Variants in PTPRQ observed in about 807,000 individuals in gnomAD.
PTPRQ encodes the protein phosphatidylinositol phosphatase PTPRQ.
A neutral mutation model predicts 246.0 loss-of-function variants in PTPRQ; 199 were observed. That is an observed-to-expected ratio of 0.81 (90% CI 0.72 to 0.91). The LOEUF is 0.91. Among genes scored for constraint, PTPRQ ranks in the 40% least tolerant of loss-of-function variants. The probability of loss-of-function intolerance (pLI) is 0.00; values close to 1 mark genes in which losing one functional copy is unlikely to be tolerated. For synonymous variants in PTPRQ, 869 were observed against 853.2 expected (o/e 1.02, Z -0.32); for missense variants, 2,624 against 2,528.4 (o/e 1.04, Z -0.81).
intron 25 of PTPRQ, among the ~76,000 whole-genome samples, chr12:80,556,727 C>G (rs1241070559): frequency 6.6e-6 from 1 of 152,018 alleles, no homozygotes. Context: ...GTAAGCTGCC[C>G]TCCGACACCC....
At chr12:80,477,959 G>T (rs1020416323) in intron 8 of PTPRQ, among the ~76,000 whole-genome samples, 3 of 152,200 alleles carry the variant, frequency 2.0e-5, no homozygotes, top group Non-Finnish European at 2.9e-5. Context: ...GGTGAGGGGC[G>T]CCCGCCATTG....
Position 80,459,295 on chromosome 12 carries a change from G to C in PTPRQ, c.472G>C (p.Val158Leu). The C allele has an allele frequency of 2.5e-6, 1 of 398,372 alleles. No individual in the cohort carries two copies. Among genetic ancestry groups the C allele is most frequent in the Non-Finnish European group, 4.4e-6 (1 of 225,906 alleles). 24.7% of individuals were successfully genotyped at this position (398,372 alleles called of 1,614,324 possible). A position where few individuals can be genotyped will look rare whatever the true frequency, so the allele number is the denominator to read the frequency against. ...TTTCTCTTCCCCAGCTCCAGGAAAA[G>C]TGGTGAATCTCACAGTTGAGGCCTA... is the stretch of plus-strand genomic sequence containing the variant. ...FQTAESAPGKVVNLTVEAYNA... is the reference protein window; with the variant it reads ...FQTAESAPGKLVNLTVEAYNA... The change falls in exon 5 of 45, where the codon GTG becomes CTG. Residue 158 changes from valine to leucine, a missense_variant. Coordinates refer to ENST00000644991, the MANE Select transcript of PTPRQ (RefSeq NM_001145026.2).
At chr12:80,659,063 A>C (rs747870636) in intron 39 of PTPRQ, among the ~76,000 whole-genome samples, 14 of 152,056 alleles carry the variant, frequency 9.2e-5, no homozygotes, top group Non-Finnish European at 2.1e-4. Context: ...CCTGTTGTCA[A>C]AGGAGTGAAT....
intron 26 of PTPRQ, among the ~76,000 whole-genome samples, chr12:80,597,560 A>T (rs1487316860): frequency 6.6e-6 from 1 of 152,000 alleles, no homozygotes; most frequent in Admixed American, 6.6e-5. Context: ...CTTCCTTTAC[A>T]TCTACTTCCC....
chr12:80,444,949 C>T, intron 2 of PTPRQ, 100 bp downstream of exon 2: 1 of 1,322,904 alleles, frequency 7.6e-7, no homozygotes, highest in Non-Finnish European at 9.9e-7. Context: ...ACATTAAATT[C>T]ATGAAAACAG....
chr12:80,636,010 G>A (rs998688268), intron 35 of PTPRQ, among the ~76,000 whole-genome samples: 1 of 152,178 alleles, frequency 6.6e-6, no homozygotes, highest in Non-Finnish European at 1.5e-5. Context: ...GACTTTGCAA[G>A]TATATTTCCA....
chr12:80,614,153 A>T (rs1898661511), intron 29 of PTPRQ, among the ~76,000 whole-genome samples: 1 of 150,828 alleles, frequency 6.6e-6, no homozygotes, highest in Admixed American at 6.6e-5. Flanking sequence ...CTGCCTAAAA[A>T]AAAGCTATAT....
At chr12:80,484,156 C>T (rs916441685) in intron 8 of PTPRQ, among the ~76,000 whole-genome samples, 1 of 151,962 alleles carries the variant, frequency 6.6e-6, no homozygotes, top group East Asian at 1.9e-4. Context: ...CAGGCACGCA[C>T]CACCATGCCT....
intron 43 of PTPRQ, among the ~76,000 whole-genome samples, chr12:80,676,478 A>G (rs771289003): frequency 9.2e-5 from 14 of 152,142 alleles, no homozygotes; most frequent in Non-Finnish European, 2.1e-4. Context: ...CCCCGTCTAT[A>G]CTAAAAATAC....
chr12:80,572,410 T>A (rs1295348691), intron 25 of PTPRQ, among the ~76,000 whole-genome samples: 1 of 152,068 alleles, frequency 6.6e-6, no homozygotes, highest in African/African-American at 2.4e-5. Context: ...GTTAAAAAAA[T>A]TTAAATAATA....
At chr12:80,522,541 A>G (rs1024291830) in intron 17 of PTPRQ, among the ~76,000 whole-genome samples, 1 of 152,136 alleles carries the variant, frequency 6.6e-6, no homozygotes, top group African/African-American at 2.4e-5. Context: ...CGTCCCATCA[A>G]TACCTAATTT....
chr12:80,679,096 C>T lies in PTPRQ; in HGVS notation c.*73C>T, dbSNP rs576680600. 4.6e-5 allele frequency: 69 copies of T among 1,506,598 alleles called. No individual in the cohort carries two copies. The highest frequency in any genetic ancestry group is 3.5e-4 in the Middle Eastern group (2 of 5,762). The allele number at this position is 1,506,598 out of a possible 1,614,324, so 93.3% of individuals were successfully genotyped here. A position where few individuals can be genotyped will look rare whatever the true frequency, so the allele number is the denominator to read the frequency against. Reference sequence around the variant, plus strand: ...GGCCAAAGTTACCCCCTCATTCTTCCGAATTGAAATGTGCAACCTTAAAGA... The same window carrying T: ...GGCCAAAGTTACCCCCTCATTCTTCTGAATTGAAATGTGCAACCTTAAAGA... On this transcript the variant is annotated 3_prime_UTR_variant, in exon 45 of 45. Coordinates refer to ENST00000644991, the MANE Select transcript of PTPRQ (RefSeq NM_001145026.2).
At chr12:80,575,582 C>T (rs1897258680) in intron 25 of PTPRQ, among the ~76,000 whole-genome samples, 2 of 152,116 alleles carry the variant, frequency 1.3e-5, no homozygotes, top group South Asian at 4.2e-4. Context: ...ACCCTCATCC[C>T]TGTAATCCCA....
At chr12:80,529,039 G>A (rs1895770888) in intron 17 of PTPRQ, among the ~76,000 whole-genome samples, 1 of 152,164 alleles carries the variant, frequency 6.6e-6, no homozygotes, top group African/African-American at 2.4e-5. Flanking sequence ...CTGTCTCTGA[G>A]ATGCTAGAAC....
Position 80,542,319 on chromosome 12 carries a change from G to A in PTPRQ, c.3676G>A (p.Gly1226Arg), listed in dbSNP as rs1295035472. ...TTTTGCTGCCGCAAGAACTAGAAAAGGACTTGGTCCTTCCAGTATTCTTTT... is the reference window on the plus strand; with the variant it reads ...TTTTGCTGCCGCAAGAACTAGAAAAAGACTTGGTCCTTCCAGTATTCTTTT... ...SFFAAARTRKGLGPSSILFFY... is the reference protein window; with the variant it reads ...SFFAAARTRKRLGPSSILFFY... Residue 1226 changes from glycine to arginine, a missense_variant, in exon 22 of 45, where the codon GGA becomes AGA. Coordinates refer to ENST00000644991, the MANE Select transcript of PTPRQ (RefSeq NM_001145026.2). The A allele has an allele frequency of 1.3e-6, 2 of 1,548,174 alleles. No individual in the cohort carries two copies. Among genetic ancestry groups the A allele is most frequent in the Middle Eastern group, 1.7e-4 (1 of 5,978 alleles).
intron 30 of PTPRQ, 42 bp downstream of exon 30, chr12:80,616,308 G>C: frequency 7.0e-7 from 1 of 1,430,098 alleles, no homozygotes; most frequent in Non-Finnish European, 9.2e-7. Flanking sequence ...CTATTAATCA[G>C]TGATTATAAT....
At chr12:80,559,470 A>G (rs1896762482) in intron 25 of PTPRQ, among the ~76,000 whole-genome samples, 1 of 152,168 alleles carries the variant, frequency 6.6e-6, no homozygotes, top group Non-Finnish European at 1.5e-5. Context: ...TTGCTCTAGC[A>G]CCACTTGATG....
In PTPRQ at chr12:80,510,737, A is replaced by G. The variant is rs567567600; in HGVS notation, c.2678+294A>G. ...TCAATTTGTATGAATGTAAGCATATACTTTTACACTTCTGAAGTTTTACAC... is the reference window on the plus strand; with the variant it reads ...TCAATTTGTATGAATGTAAGCATATGCTTTTACACTTCTGAAGTTTTACAC... On this transcript the variant is annotated intron_variant, in intron 17 of 44. Coordinates refer to ENST00000644991, the MANE Select transcript of PTPRQ (RefSeq NM_001145026.2). 3.9e-5 allele frequency among the ~76,000 whole-genome samples: 6 copies of G among 152,286 alleles called. No individual in the cohort carries two copies. In the East Asian group the frequency reaches 1.2e-3, roughly 29 times the overall value.
intron 3 of PTPRQ, among the ~76,000 whole-genome samples, chr12:80,447,106 TA>T (rs1406724707): frequency 2.0e-5 from 3 of 152,056 alleles, no homozygotes; most frequent in Non-Finnish European, 4.4e-5. Flanking sequence ...TTCTGATTGG[TA>T]TAAGATGATG....
Sources: allele counts gnomAD v4.1 joint callset (sites outside exome capture counted in the v4.1 genomes callset), GRCh38; gene constraint gnomAD v4.1.1; transcripts MANE v1.5; gene names NCBI Gene and HGNC (gene_info 2026-07-23, HGNC 2026-07-21).